The following CFAP44 variants were observed in gnomAD, a reference collection of about 807,000 sequenced individuals.
CFAP44 encodes the protein cilia- and flagella-associated protein 44.
Under a neutral mutation model 216.2 loss-of-function variants are expected in CFAP44, and 134 were observed. The observed-to-expected ratio is 0.62, with a 90% confidence interval of 0.54 to 0.72. The LOEUF is 0.72. Among genes scored for constraint, CFAP44 ranks in the 30% least tolerant of loss-of-function variants. The pLI is 0.00. For missense variants in CFAP44, 2,035 were observed against 2,182.1 expected (o/e 0.93, Z 1.34); for synonymous variants, 700 against 727.6 (o/e 0.96, Z 0.61).
intron 1 of CFAP44, among the ~76,000 whole-genome samples, chr3:113,440,224 C>T (rs184894381): frequency 4.6e-5 from 7 of 152,202 alleles, no homozygotes; most frequent in African/African-American, 4.8e-5. Context: ...CCACCTCGCC[C>T]GGCTAATTTT....
chr3:113,378,708 T>C (rs111325488), intron 17 of CFAP44, among the ~76,000 whole-genome samples: 1 of 152,196 alleles, frequency 6.6e-6, no homozygotes, highest in Middle Eastern at 3.2e-3. Context: ...TTGGAGGATA[T>C]ACTCCTACAG....
chr3:113,431,237 C>A (rs1167294220), intron 2 of CFAP44, among the ~76,000 whole-genome samples: 1 of 151,992 alleles, frequency 6.6e-6, no homozygotes, highest in African/African-American at 2.4e-5. Context: ...TTCAGAATGC[C>A]AGAAAATTAT....
chr3:113,441,314 T>C, intron 1 of CFAP44, 139 bp downstream of exon 1: 9 of 904,180 alleles, frequency 1.0e-5, no homozygotes, highest in Non-Finnish European at 1.2e-5. Context: ...TTCAAAAGTT[T>C]GCTGAGCTAC....
rs1010412213 is a variant in CFAP44 at position 113,376,959 on chromosome 3, T to C, written c.2298+2347A>G. On this transcript the variant is annotated intron_variant, in intron 17 of 34. Coordinates refer to ENST00000393845, the MANE Select transcript of CFAP44 (RefSeq NM_001164496.2). ...GAGAAGGGATGGGATCAAGGAGCCA[T>C]TGGGAACAGTGTCCTTGGAGAGTTG... 2.0e-5 allele frequency among the ~76,000 whole-genome samples: 3 copies of C among 152,150 alleles called. 1 individual carries two copies. The highest frequency in any genetic ancestry group is 4.1e-4 in the South Asian group (2 of 4,826).
intron 32 of CFAP44, among the ~76,000 whole-genome samples, chr3:113,298,178 C>T (rs1188269642): frequency 6.6e-6 from 1 of 152,234 alleles, no homozygotes; most frequent in Admixed American, 6.5e-5. Flanking sequence ...TATACCAGAA[C>T]ATGTACTCTG....
chr3:113,310,032 T>C (rs756071987), intron 28 of CFAP44, among the ~76,000 whole-genome samples: 1 of 152,100 alleles, frequency 6.6e-6, no homozygotes, highest in Non-Finnish European at 1.5e-5. Flanking sequence ...TCAGCAAAGG[T>C]TAAGTGGAGA....
rs749873759 is a variant in CFAP44, at chr3:113,379,399, T to TTCCTCC, written c.2199_2204dup (p.Glu736_Glu737dup). ...TAAATATTTCAGGTAATGGCTCTTC[T>TTCCTCC]TCCTCCTCCTCCTCCTCTTTCTCCT... On this transcript the variant is annotated inframe_insertion, in exon 17 of 35. Transcript: ENST00000393845. 1.1e-5 allele frequency: 18 copies of TTCCTCC among 1,606,456 alleles called. No homozygotes were observed. Among genetic ancestry groups the TTCCTCC allele is most frequent in the Non-Finnish European group, 1.4e-5 (16 of 1,174,392 alleles).
chr3:113,382,190 G>A (rs1933532741), intron 15 of CFAP44, among the ~76,000 whole-genome samples: 1 of 152,158 alleles, frequency 6.6e-6, no homozygotes, highest in Non-Finnish European at 1.5e-5. Flanking sequence ...CTCAATGACT[G>A]AGTGAAGGAG....
chr3:113,358,261 T>C (rs774764621), intron 22 of CFAP44, among the ~76,000 whole-genome samples: 1 of 152,054 alleles, frequency 6.6e-6, no homozygotes, highest in Non-Finnish European at 1.5e-5. Flanking sequence ...TATTTATACA[T>C]CTGTAAAAAA....
At chr3:113,297,074 T>G (rs754336666) in intron 32 of CFAP44, among the ~76,000 whole-genome samples, 189 bp from the exon 33 acceptor site, 20 of 152,206 alleles carry the variant, frequency 1.3e-4, no homozygotes, top group Non-Finnish European at 2.4e-4. Flanking sequence ...GGTATTGTCT[T>G]TTCACCTTCT....
chr3:113,309,937 C>A (rs960888962), intron 28 of CFAP44, among the ~76,000 whole-genome samples: 1 of 152,130 alleles, frequency 6.6e-6, no homozygotes, highest in African/African-American at 2.4e-5. Flanking sequence ...AAGGGGCAGC[C>A]TAGCAGGAGA....
intron 15 of CFAP44, among the ~76,000 whole-genome samples, chr3:113,384,091 C>T (rs1162191891): frequency 2.0e-5 from 3 of 150,388 alleles, no homozygotes; most frequent in Non-Finnish European, 2.9e-5. Context: ...CGGAGTCTTG[C>T]TCTGTCACCC....
At chr3:113,369,780 A>G (rs755553884) in intron 18 of CFAP44, among the ~76,000 whole-genome samples, 6 of 152,182 alleles carry the variant, frequency 3.9e-5, no homozygotes, top group Non-Finnish European at 7.3e-5. Flanking sequence ...AAAATCAATG[A>G]ATCCAGGAGC....
At position 113,396,472 on chromosome 3, in the gene CFAP44, T is replaced by C. The variant is rs541293832; in HGVS notation, c.1779+46A>G. 96 of 1,585,370 alleles carry C rather than the reference T, an allele frequency of 6.1e-5. No homozygotes were observed. The South Asian group carries it at 1.1e-3, about 17-fold the overall frequency. ...AAGTAGGAGGACTTATAAGGCAATT[T>C]AACTATAAAATTTCAACAAGAAAAG... On this transcript the variant is annotated intron_variant, in intron 14 of 34. Coordinates refer to ENST00000393845, the MANE Select transcript of CFAP44 (RefSeq NM_001164496.2).
chr3:113,314,405 G>A (rs1400925316), intron 28 of CFAP44, among the ~76,000 whole-genome samples: 2 of 152,154 alleles, frequency 1.3e-5, no homozygotes, highest in African/African-American at 4.8e-5. Flanking sequence ...GAAAAGTAGT[G>A]TCAACCTAGG....
chr3:113,320,509 T>C (rs1950135710), intron 28 of CFAP44, among the ~76,000 whole-genome samples: 1 of 103,428 alleles, frequency 9.7e-6, no homozygotes, highest in Non-Finnish European at 2.0e-5. Context: ...TATATCTAGA[T>C]ATACAGTACT....
At chr3:113,384,303 C>G (rs1035983838) in intron 15 of CFAP44, among the ~76,000 whole-genome samples, 1 of 152,126 alleles carries the variant, frequency 6.6e-6, no homozygotes, top group Non-Finnish European at 1.5e-5. Context: ...TTGTGATCCA[C>G]CCACCTTGAC....
At chr3:113,334,381 A>C (rs1950265075) in intron 24 of CFAP44, among the ~76,000 whole-genome samples, 1 of 152,228 alleles carries the variant, frequency 6.6e-6, no homozygotes, top group Admixed American at 6.5e-5. Context: ...GACAATATAG[A>C]AGTACAAAAC....
chr3:113,427,227 A>T lies in CFAP44; in HGVS notation c.213T>A (p.Ser71Arg). Residue 71 changes from serine to arginine, a missense_variant, in exon 3 of 35, where the codon AGT (serine) becomes AGA (arginine). Around this residue, in one of 3 missense-constraint regions of CFAP44, gnomAD observed 149 missense variants for 141.8 expected, o/e 1.05. Transcript: ENST00000393845. ...AATCACCATACTGAAATGAACTCAA[A>T]CTTCCTTCCAAACGTTCCTCATCTG... Reference protein sequence around the residue: ...EDSDEERLEGSLSSFQYGDLQ... With the variant: ...EDSDEERLEGRLSSFQYGDLQ... The T allele has an allele frequency of 6.2e-7, 1 of 1,613,280 alleles. No individual in the cohort carries two copies.
Sources: allele counts gnomAD v4.1 joint callset (sites outside exome capture counted in the v4.1 genomes callset), GRCh38; gene constraint gnomAD v4.1.1; regional missense constraint gnomAD v4.1.1; transcripts MANE v1.5; gene names NCBI Gene and HGNC (gene_info 2026-07-23, HGNC 2026-07-21).